The following PRDM16 variants were observed in gnomAD, a reference collection of about 807,000 sequenced individuals.
The protein encoded by PRDM16 is PR/SET domain 16.
In PRDM16, 23 loss-of-function variants were observed where a neutral mutation model predicts 110.6. The observed-to-expected ratio is 0.21, with a 90% CI of 0.15 to 0.29. PRDM16 has a LOEUF of 0.29. PRDM16 is among the 10% of genes least tolerant of loss of function. The pLI, the probability that PRDM16 is intolerant of heterozygous loss-of-function variation, is 1.00. For missense variants in PRDM16, 1,615 were observed against 1,794.3 expected, an observed-to-expected ratio of 0.90 and a Z score of 1.81; for synonymous variants, 799 against 781.8, an observed-to-expected ratio of 1.02 and a Z score of -0.37.
chr1:3,278,710 C>A (rs1640643839), intron 3 of PRDM16, among the ~76,000 whole-genome samples: 1 of 152,150 alleles, frequency 6.6e-6, no homozygotes, highest in African/African-American at 2.4e-5. Flanking sequence ...ATCTGAGGAC[C>A]CTTAGAAAAC....
chr1:3,093,367 G>A (rs1294798405), intron 1 of PRDM16, among the ~76,000 whole-genome samples: 2 of 152,218 alleles, frequency 1.3e-5, no homozygotes, highest in African/African-American at 4.8e-5. Context: ...TGTACAGCCA[G>A]GGTGCAACAT....
intron 3 of PRDM16, among the ~76,000 whole-genome samples, chr1:3,275,137 C>T (rs887323022): frequency 5.3e-5 from 8 of 152,206 alleles, no homozygotes; most frequent in Non-Finnish European, 1.0e-4. Flanking sequence ...GAGCAGGAGG[C>T]GGGCCCAGTG....
intron 2 of PRDM16, among the ~76,000 whole-genome samples, chr1:3,188,780 A>T (rs1309044949): frequency 6.6e-6 from 1 of 152,120 alleles, no homozygotes; most frequent in Non-Finnish European, 1.5e-5. Context: ...TCGGGAGCTG[A>T]CATTGGAACT....
intron 3 of PRDM16, among the ~76,000 whole-genome samples, chr1:3,291,103 A>G (rs919183685): frequency 1.3e-5 from 2 of 152,018 alleles, no homozygotes; most frequent in Admixed American, 6.5e-5. Flanking sequence ...AGACACGAGT[A>G]GCAGTTTCCT....
chr1:3,313,311 C>T (rs895607483), intron 3 of PRDM16, among the ~76,000 whole-genome samples: 1 of 152,220 alleles, frequency 6.6e-6, no homozygotes, highest in African/African-American at 2.4e-5. Context: ...GAGTCAGCGC[C>T]GAGCGGTGAG....
chr1:3,299,849 G>A (rs549338804), intron 3 of PRDM16, among the ~76,000 whole-genome samples: 4 of 65,442 alleles, frequency 6.1e-5, no homozygotes, highest in Non-Finnish European at 9.9e-5. Context: ...TGCTGTGGCC[G>A]TGATGTTTCC....
intron 10 of PRDM16, among the ~76,000 whole-genome samples, chr1:3,415,153 C>T (rs1643757945): frequency 6.6e-6 from 1 of 152,168 alleles, no homozygotes; most frequent in Non-Finnish European, 1.5e-5. Flanking sequence ...CCAGAGAGCC[C>T]CCCAGTCCAG....
At chr1:3,088,748 C>T (rs2100592931) in intron 1 of PRDM16, among the ~76,000 whole-genome samples, 1 of 149,112 alleles carries the variant, frequency 6.7e-6, no homozygotes, top group South Asian at 2.1e-4. Flanking sequence ...CGGCGCCCGG[C>T]CATATTATTA....
intron 1 of PRDM16, among the ~76,000 whole-genome samples, chr1:3,144,206 G>T (rs892200489): frequency 6.6e-6 from 1 of 152,158 alleles, no homozygotes; most frequent in South Asian, 2.1e-4. Flanking sequence ...GAGCCTGTGG[G>T]CACCATCACT....
Position 3,390,834 on chromosome 1 carries a change from G to GT in PRDM16, c.573+5567dup, listed in dbSNP as rs34675402. Reference sequence around the variant, plus strand: ...CCTTTGCTTTTATCTCTCACAGTGTGTTTTTTTTTTTTTTTTTTTAGACAG... The same window carrying GT: ...CCTTTGCTTTTATCTCTCACAGTGTGTTTTTTTTTTTTTTTTTTTTAGACAG... On this transcript the variant is annotated intron_variant, in intron 4 of 16. Transcript: ENST00000270722. The surrounding 1 kb of genome is among the most constrained non-coding windows in gnomAD (Gnocchi z 5.0). 0.23 allele frequency among the ~76,000 whole-genome samples: 28,269 copies of GT among 125,510 alleles called. 3,459 individuals carry two copies. The highest frequency in any genetic ancestry group is 0.31 in the Middle Eastern group (68 of 222). The allele number at this position is 125,510 out of a possible 152,430, so 82.3% of individuals were successfully genotyped here. A position where few individuals can be genotyped will look rare whatever the true frequency, so the allele number is the denominator to read the frequency against.
At chr1:3,228,297 C>A (rs924702579) in intron 2 of PRDM16, among the ~76,000 whole-genome samples, 1 of 152,206 alleles carries the variant, frequency 6.6e-6, no homozygotes, top group African/African-American at 2.4e-5. Context: ...AGGATCCCAC[C>A]GTTTTCTGCC....
intron 1 of PRDM16, among the ~76,000 whole-genome samples, chr1:3,180,980 A>G (rs912646852): frequency 1.4e-5 from 2 of 141,230 alleles, no homozygotes; most frequent in African/African-American, 2.5e-5. Context: ...GGTCTTACAC[A>G]CGCAGTCTTA....
chr1:3,130,016 G>A (rs998211788), intron 1 of PRDM16, among the ~76,000 whole-genome samples: 5 of 152,200 alleles, frequency 3.3e-5, no homozygotes, highest in African/African-American at 7.2e-5. Context: ...CAGTGCAGGC[G>A]GCTTGTTCTG....
At chr1:3,261,826 C>T (rs979076129) in intron 3 of PRDM16, among the ~76,000 whole-genome samples, 1 of 152,216 alleles carries the variant, frequency 6.6e-6, no homozygotes, top group Non-Finnish European at 1.5e-5. Flanking sequence ...GAAACGTGCC[C>T]CAGGGACCAG....
rs4648451 is a variant in PRDM16 at position 3,078,153 on chromosome 1, C to T, written c.37+8857C>T. Among the ~76,000 whole-genome samples the T allele has an allele frequency of 2.1e-4, 32 of 152,192 alleles. 2 individuals are homozygous for T. The highest frequency in any genetic ancestry group is 7.2e-4 in the African/African-American group (30 of 41,540). On this transcript the variant is annotated intron_variant, in intron 1 of 16. Transcript: ENST00000270722. The stretch of plus-strand genomic sequence containing the variant: ...GGCTTCTGCAAGTTCCATTCCCATC[C>T]GTCCTCTCATCTTCCCCTGTGTCAA...
chr1:3,409,016 CAT>C (rs1432830505), intron 8 of PRDM16, among the ~76,000 whole-genome samples: 1 of 138,606 alleles, frequency 7.2e-6, no homozygotes, highest in Non-Finnish European at 1.6e-5. Flanking sequence ...TGAGCCGGGG[CAT>C]GTCAGTGTGT....
Position 3,147,000 on chromosome 1 carries a change from T to TCGG in PRDM16, c.38-39125_38-39124insCGG, listed in dbSNP as rs1209350594. 8.3e-3 allele frequency among the ~76,000 whole-genome samples: 730 copies of TCGG among 87,432 alleles called. 90 individuals carry two copies. The highest frequency in any genetic ancestry group is 0.035 in the African/African-American group (693 of 19,832). The allele number at this position is 87,432 out of a possible 152,430, so 57.4% of individuals were successfully genotyped here. On this transcript the variant is annotated intron_variant, in intron 1 of 16. Coordinates refer to ENST00000270722, the MANE Select transcript of PRDM16 (RefSeq NM_022114.4). ...GTGGGGTGTGTGTGCATGTGTGTGC[T>TCGG]TGGTGTGGGGGGTATGCGCACGTGT...
rs187406205 is a variant in PRDM16, at chr1:3,201,700, C to T, written c.387+15226C>T. 2.0e-4 allele frequency among the ~76,000 whole-genome samples: 31 copies of T among 152,368 alleles called. No homozygotes were observed. Among genetic ancestry groups the T allele is most frequent in the African/African-American group, 6.5e-4 (27 of 41,590 alleles). On this transcript the variant is annotated intron_variant, in intron 2 of 16. Transcript: ENST00000270722. The surrounding 1 kb of genome is among the most constrained non-coding windows in gnomAD (Gnocchi z 4.1). ...ACTTCCAGCACCTGCAGGGCAGGAC[C>T]TCCCCGCTTGGATGCTGGTGACACA...
intron 3 of PRDM16, among the ~76,000 whole-genome samples, chr1:3,372,507 C>T (rs947453483): frequency 2.0e-5 from 3 of 152,340 alleles, no homozygotes; most frequent in East Asian, 3.9e-4. Context: ...TTCCTGTGGG[C>T]GACCTGGGCT....
Sources: gnomAD v4.1 joint callset for allele counts (sites outside exome capture counted in the v4.1 genomes callset) on GRCh38, gnomAD v4.1.1 for gene constraint, Gnocchi (gnomAD v3.1) non-coding constraint, MANE v1.5 for transcripts, NCBI Gene and HGNC (gene_info 2026-07-23, HGNC 2026-07-21) for gene names.